HINFP: variants seen among roughly 807,000 people sequenced by gnomAD.
HINFP encodes MBD2 (methyl-CpG-binding protein)-interacting zinc finger protein.
HINFP carries 20 observed loss-of-function variants against 50.1 expected under a neutral mutation model. That is an observed-to-expected ratio of 0.40 (90% CI 0.28 to 0.58). The LOEUF is 0.58. Among genes scored for constraint, HINFP ranks in the 20% least tolerant of loss-of-function variants. The probability of loss-of-function intolerance (pLI) is 0.45; values close to 1 mark genes in which losing one functional copy is unlikely to be tolerated. For synonymous variants in HINFP, 247 were observed against 243.7 expected (o/e 1.01, Z -0.13); for missense variants, 505 against 664.1 (o/e 0.76, Z 2.63).
In HINFP at chr11:119,131,864, T is replaced by G. The variant is rs367893342; in HGVS notation, c.558T>G (p.Leu186=). 77 of 1,613,938 alleles carry G rather than the reference T, an allele frequency of 4.8e-5. No homozygotes were observed. Among genetic ancestry groups the G allele is most frequent in the Admixed American group, 6.7e-5 (4 of 59,994 alleles). ...GCACCTTCAAGGACCGCAGTAAACT[T>G]CGAGAGCACCTCCGCAGCCATACCC... ...CTCTFKDRSK[L]REHLRSHTQE... is the part of the protein sequence containing the mutation. The change falls in exon 5 of 10, where the codon CTT becomes CTG. Residue 186 remains leucine (L), a synonymous_variant. Coordinates refer to ENST00000350777, the MANE Select transcript of HINFP (RefSeq NM_198971.3). The surrounding 1 kb of genome is among the most constrained non-coding windows in gnomAD (Gnocchi z 4.2).
intron 2 of HINFP, among the ~76,000 whole-genome samples, chr11:119,129,198 G>A (rs1460878851): frequency 1.3e-5 from 2 of 151,812 alleles, no homozygotes; most frequent in South Asian, 2.1e-4. Flanking sequence ...CCGCCACCAC[G>A]CCCGGGTAAT....
intron 5 of HINFP, chr11:119,132,215 G>A (rs1947801364): frequency 1.6e-6 from 1 of 619,478 alleles, no homozygotes; most frequent in South Asian, 2.0e-5. Flanking sequence ...AGCCCCATGA[G>A]GTAGGCTTCT....
chr11:119,134,678 C>T lies in HINFP; in HGVS notation c.*180C>T. ...AGACTCTAAAGACTTCCCTTTTCTG[C>T]CAGACTACATTTTGTGGGGAGCCTG... On this transcript the variant is annotated 3_prime_UTR_variant, in exon 10 of 10. Transcript: ENST00000350777. The surrounding 1 kb of genome is among the most constrained non-coding windows in gnomAD (Gnocchi z 4.3). 1 of 536,520 alleles carries T rather than the reference C, an allele frequency of 1.9e-6. No homozygotes were observed. The highest frequency in any genetic ancestry group is 3.2e-5 in the South Asian group (1 of 31,538). 33.2% of individuals were successfully genotyped at this position (536,520 alleles called of 1,614,324 possible).
chr11:119,130,801 C>T lies in HINFP; in HGVS notation c.258C>T (p.Val86=). The T allele has an allele frequency of 6.2e-7, 1 of 1,614,228 alleles. No individual in the cohort carries two copies. The highest frequency in any genetic ancestry group is 8.5e-7 in the Non-Finnish European group (1 of 1,180,038). Residue 86 remains valine, a synonymous_variant, in exon 3 of 10, where the codon GTC becomes GTT. Transcript: ENST00000350777. The stretch of plus-strand genomic sequence containing the variant: ...GTTCTGCTGACCTCATCCGCCATGT[C>T]TACTTCCACTGCTACCACACCAAGC... The part of the protein sequence containing the change: ...LDSSADLIRH[V]YFHCYHTKLK...
chr11:119,134,586 T>C lies in HINFP; in HGVS notation c.*88T>C, dbSNP rs1167783917. 1.9e-6 allele frequency: 2 copies of C among 1,049,884 alleles called. No individual in the cohort carries two copies. The highest frequency in any genetic ancestry group is 2.7e-6 in the Non-Finnish European group (2 of 738,882). 65.0% of individuals were successfully genotyped at this position (1,049,884 alleles called of 1,614,324 possible). ...GCCCCTAGTGGGCAGCCGTTGCCAA[T>C]GGATGCCTTTAGGAGTGGTGCCGAG... On this transcript the variant is annotated 3_prime_UTR_variant, in exon 10 of 10. Transcript: ENST00000350777. This position sits in a 1 kb window ranked among gnomAD's most constrained non-coding sequence, Gnocchi z 4.3.
chr11:119,130,836 G>T lies in HINFP; in HGVS notation c.293G>T (p.Trp98Leu). ...FHCYHTKLKQ[W>L]GLQALQSQAD... ...TGCTACCACACCAAGCTGAAACAGT[G>T]GGGGCTGCAGGCCTTGCAAAGCCAG... Residue 98 changes from tryptophan (W) to leucine (L), a missense_variant, in exon 3 of 10, where the codon TGG (tryptophan) becomes TTG (leucine). By Grantham distance (61) the Trp-to-Leu change is moderately conservative. Transcript: ENST00000350777. 1 of 1,614,202 alleles carries T rather than the reference G, an allele frequency of 6.2e-7. No homozygotes were observed. Among genetic ancestry groups the T allele is most frequent in the East Asian group, 2.2e-5 (1 of 44,876 alleles).
At position 119,131,801 on chromosome 11, in the gene HINFP, G is replaced by C. The variant is rs1305120631; in HGVS notation, c.524-29G>C. The C allele has an allele frequency of 1.9e-6, 3 of 1,612,706 alleles. No homozygotes were observed. Among genetic ancestry groups the C allele is most frequent in the Non-Finnish European group, 2.5e-6 (3 of 1,179,440 alleles). On this transcript the variant is annotated intron_variant, in intron 4 of 9. Transcript: ENST00000350777. The surrounding 1 kb of genome is among the most constrained non-coding windows in gnomAD (Gnocchi z 4.2). ...TCCTAGGCAAAACTGGGGTTTTGTG[G>C]CAGGAGACTGATAGGGCTTCCTTCC... is the stretch of plus-strand genomic sequence containing the variant.
chr11:119,124,431 G>A (rs1293298438), intron 1 of HINFP: 1 of 152,164 alleles, frequency 6.6e-6, no homozygotes, highest in Non-Finnish European at 1.5e-5. Flanking sequence ...CTGAGGAGAA[G>A]GTGACACTCA....
Position 119,127,108 on chromosome 11 carries a change from A to C in HINFP, c.164A>C (p.Glu55Ala). The change falls in exon 2 of 10, where the codon GAG (glutamate) becomes GCG (alanine). Residue 55 changes from glutamate to alanine, a missense_variant. By Grantham distance (107) the Glu-to-Ala change is moderately radical. Coordinates refer to ENST00000350777, the MANE Select transcript of HINFP (RefSeq NM_198971.3). ...TCTGGGGAGGAGGAGGAAGAGGAAG[A>C]GGAGGATGACCCACTTGGTAAGAGA... is the stretch of plus-strand genomic sequence containing the variant. ...HGSGEEEEEE[E>A]EDDPLEEEFS... 1 of 1,612,334 alleles carries C rather than the reference A, an allele frequency of 6.2e-7. No homozygotes were observed. Among genetic ancestry groups the C allele is most frequent in the Non-Finnish European group, 8.5e-7 (1 of 1,179,604 alleles).
chr11:119,128,803 A>C (rs1021197227), intron 2 of HINFP, among the ~76,000 whole-genome samples: 1 of 151,508 alleles, frequency 6.6e-6, no homozygotes, highest in Non-Finnish European at 1.5e-5. Context: ...GGTTCAAGCA[A>C]TTCTACTGCC....
chr11:119,133,107 C>T lies in HINFP; in HGVS notation c.1027C>T (p.Pro343Ser). ...YRKVHEGDSE[P>S]RYKCHVCDKC... ...CCTTCCCCATCAGGGAGACTCTGAG[C>T]CAAGGTACAAATGTCATGTGTGTGA... Residue 343 changes from proline to serine, a missense_variant, in exon 9 of 10, where the codon CCA becomes TCA. Coordinates refer to ENST00000350777, the MANE Select transcript of HINFP (RefSeq NM_198971.3). 1 of 1,614,212 alleles carries T rather than the reference C, an allele frequency of 6.2e-7. No individual in the cohort carries two copies. Among genetic ancestry groups the T allele is most frequent in the South Asian group, 1.1e-5 (1 of 91,088 alleles).
In HINFP at chr11:119,131,978, G is replaced by C; in HGVS notation, c.672G>C (p.Leu224Phe). ...FLDHIRRQTS[L>F]DQQHFQCSHC... ...ATCACATCCGTCGCCAGACCTCATT[G>C]GATCGTAAGTAGTCAGAGGAAGTGG... is the stretch of plus-strand genomic sequence containing the variant. The change falls in exon 5 of 10, where the codon TTG becomes TTC. Residue 224 changes from leucine (L) to phenylalanine (F), a missense_variant. Coordinates refer to ENST00000350777, the MANE Select transcript of HINFP (RefSeq NM_198971.3). This position sits in a 1 kb window ranked among gnomAD's most constrained non-coding sequence, Gnocchi z 4.2. The C allele has an allele frequency of 1.2e-6, 2 of 1,614,078 alleles. No homozygotes were observed. Among genetic ancestry groups the C allele is most frequent in the Non-Finnish European group, 1.7e-6 (2 of 1,180,034 alleles).
chr11:119,125,487 T>G (rs1468629129), intron 1 of HINFP: 2 of 152,118 alleles, frequency 1.3e-5, no homozygotes, highest in African/African-American at 4.8e-5. Flanking sequence ...CTGGGCAACA[T>G]GGCAAAACCC....
chr11:119,123,138 A>AAG lies in HINFP; in HGVS notation c.-11+1500_-11+1501insGA, dbSNP rs1232071567. ...GCAAGACTCCATCTCCAAAAAAAAA[A>AAG]AAAAAAAAAAAAAGAACTTGCGTAG... is the stretch of plus-strand genomic sequence containing the variant. On this transcript the variant is annotated intron_variant, in intron 1 of 9. Coordinates refer to ENST00000350777, the MANE Select transcript of HINFP (RefSeq NM_198971.3). Among the ~76,000 whole-genome samples, 123 of 151,028 alleles carry AAG rather than the reference A, an allele frequency of 8.1e-4. 2 individuals carry two copies. Among genetic ancestry groups the AAG allele is most frequent in the African/African-American group, 2.8e-3 (116 of 41,306 alleles).
At position 119,134,419 on chromosome 11, in the gene HINFP, C is replaced by A. The variant is rs1320286473; in HGVS notation, c.1475C>A (p.Pro492Gln). The change falls in exon 10 of 10, where the codon CCA (proline) becomes CAA (glutamine). Residue 492 changes from proline (P) to glutamine (Q), a missense_variant. Coordinates refer to ENST00000350777, the MANE Select transcript of HINFP (RefSeq NM_198971.3). This position sits in a 1 kb window ranked among gnomAD's most constrained non-coding sequence, Gnocchi z 4.3. ...VLSEAPGEPP[P>Q]APEPPSGGIM... ...TCTGAAGCCCCAGGGGAGCCTCCCC[C>A]AGCCCCTGAGCCACCTTCAGGGGGC... 4 of 1,614,204 alleles carry A rather than the reference C, an allele frequency of 2.5e-6. No individual in the cohort carries two copies. Among genetic ancestry groups the A allele is most frequent in the Non-Finnish European group, 3.4e-6 (4 of 1,180,024 alleles).
At position 119,131,132 on chromosome 11, in the gene HINFP, A is replaced by G. The variant is rs772126532; in HGVS notation, c.411+178A>G. On this transcript the variant is annotated intron_variant, in intron 3 of 9. Coordinates refer to ENST00000350777, the MANE Select transcript of HINFP (RefSeq NM_198971.3). This position sits in a 1 kb window ranked among gnomAD's most constrained non-coding sequence, Gnocchi z 4.2. ...CACACAGGCTCTTGATCTGAAGCCCAGGCTAGAGTGCAGTGGTACAATCAT... is the reference window on the plus strand; with the variant it reads ...CACACAGGCTCTTGATCTGAAGCCCGGGCTAGAGTGCAGTGGTACAATCAT... 1.6e-5 allele frequency: 11 copies of G among 706,122 alleles called. No homozygotes were observed. In the South Asian group the frequency reaches 1.6e-4, roughly 11 times the overall value. The allele number at this position is 706,122 out of a possible 1,614,324, so 43.7% of individuals were successfully genotyped here.
chr11:119,134,764 T>C lies in HINFP; in HGVS notation c.*266T>C, dbSNP rs1947983262. On this transcript the variant is annotated 3_prime_UTR_variant, in exon 10 of 10. Coordinates refer to ENST00000350777, the MANE Select transcript of HINFP (RefSeq NM_198971.3). The surrounding 1 kb of genome is among the most constrained non-coding windows in gnomAD (Gnocchi z 4.3). ...TGTGTTCTTGTTAAAGAGGCTGTTATCAGGCTTAACCATAACCCTCAAGAT... is the reference window on the plus strand; with the variant it reads ...TGTGTTCTTGTTAAAGAGGCTGTTACCAGGCTTAACCATAACCCTCAAGAT... 2.4e-6 allele frequency: 1 copy of C among 416,462 alleles called. No individual in the cohort carries two copies. The allele number at this position is 416,462 out of a possible 1,614,324, so 25.8% of individuals were successfully genotyped here. A position where few individuals can be genotyped will look rare whatever the true frequency, so the allele number is the denominator to read the frequency against.
rs761747370 is a variant in HINFP at position 119,130,948 on chromosome 11, C to T, written c.405C>T (p.His135=). The T allele has an allele frequency of 3.3e-5, 54 of 1,613,980 alleles. No homozygotes were observed. The highest frequency in any genetic ancestry group is 4.6e-5 in the Non-Finnish European group (54 of 1,179,802). ...ACCACTTCCTGTGTCTGTGGGAGCA[C>T]TGTGAGGTCAGCAGGCAGTGCCAGT... ...IPDHFLCLWE[H]CENSFDNPEW... is the part of the protein sequence containing the mutation. The change falls in exon 3 of 10, where the codon CAC becomes CAT. Residue 135 remains histidine, a synonymous_variant. Coordinates refer to ENST00000350777, the MANE Select transcript of HINFP (RefSeq NM_198971.3).
At position 119,133,971 on chromosome 11, in the gene HINFP, T is replaced by C. The variant is rs1195449278; in HGVS notation, c.1140-113T>C. On this transcript the variant is annotated intron_variant, in intron 9 of 9. Coordinates refer to ENST00000350777, the MANE Select transcript of HINFP (RefSeq NM_198971.3). Reference sequence around the variant, plus strand: ...CTTTTTTGTCTTCAACTCCTGTCACTTGGATTCCAGGACTTCTTCCATCCC... The same window carrying C: ...CTTTTTTGTCTTCAACTCCTGTCACCTGGATTCCAGGACTTCTTCCATCCC... 3.5e-6 allele frequency: 5 copies of C among 1,441,556 alleles called. No homozygotes were observed. In the East Asian group the frequency reaches 9.2e-5, roughly 27 times the overall value. The allele number at this position is 1,441,556 out of a possible 1,614,324, so 89.3% of individuals were successfully genotyped here.
Sources: allele counts gnomAD v4.1 joint callset (sites outside exome capture counted in the v4.1 genomes callset), GRCh38; gene constraint gnomAD v4.1.1; non-coding constraint Gnocchi (gnomAD v3.1); transcripts MANE v1.5; gene names NCBI Gene and HGNC (gene_info 2026-07-23, HGNC 2026-07-21).